Variants in BICD2 observed in about 807,000 individuals in gnomAD.
BICD2 encodes protein bicaudal D homolog 2.
In BICD2, 25 loss-of-function variants were observed where a neutral mutation model predicts 72.9. The observed-to-expected ratio is 0.34, with a 90% CI of 0.25 to 0.48. The LOEUF (loss-of-function observed/expected upper bound fraction) is 0.48. BICD2 is among the 20% of genes least tolerant of loss of function. BICD2 has a pLI of 0.99. For synonymous variants in BICD2, 501 were observed against 516.1 expected (o/e 0.97, Z 0.40); for missense variants, 894 against 1,175.2 (o/e 0.76, Z 3.50).
intron 2 of BICD2, among the ~76,000 whole-genome samples, chr9:92,727,267 C>T (rs1853585358): frequency 1.3e-5 from 2 of 152,216 alleles, no homozygotes; most frequent in Non-Finnish European, 2.9e-5. Flanking sequence ...CTAATCACTG[C>T]ATACCCTCAG....
intron 1 of BICD2, among the ~76,000 whole-genome samples, chr9:92,754,323 CCTCACATAG>C: frequency 6.6e-6 from 1 of 152,248 alleles, no homozygotes. Flanking sequence ...TCCTGTGTAT[CCTCACATAG>C]CTCAGGTAGG....
intron 1 of BICD2, among the ~76,000 whole-genome samples, chr9:92,759,533 ACCT>A (rs1407348224): frequency 6.6e-6 from 1 of 151,736 alleles, no homozygotes; most frequent in Non-Finnish European, 1.5e-5. Context: ...CTCTCCATCC[ACCT>A]CCCACAGCAG....
chr9:92,720,216 GC>G lies in BICD2; in HGVS notation c.1062+83del. On this transcript the variant is annotated intron_variant, in intron 4 of 6. Transcript: ENST00000356884. The surrounding 1 kb of genome is among the most constrained non-coding windows in gnomAD (Gnocchi z 5.4). ...TAAGGAAAAGGGAAAGTTAACATCA[GC>G]AGAGTGTCAGGTAAGCACTGCTCGG... is the stretch of plus-strand genomic sequence containing the variant. 7.7e-7 allele frequency: 1 copy of G among 1,303,706 alleles called. No individual in the cohort carries two copies. The allele number at this position is 1,303,706 out of a possible 1,614,324, so 80.8% of individuals were successfully genotyped here.
chr9:92,748,454 G>A (rs865844741), intron 1 of BICD2, among the ~76,000 whole-genome samples: 1 of 152,126 alleles, frequency 6.6e-6, no homozygotes, highest in Non-Finnish European at 1.5e-5. Context: ...CTGAGCTTTA[G>A]AATTTTTGAA....
chr9:92,751,339 CG>C (rs1854146105), intron 1 of BICD2, among the ~76,000 whole-genome samples: 1 of 151,860 alleles, frequency 6.6e-6, no homozygotes, highest in Admixed American at 6.6e-5. Context: ...TTAGTAGAGA[CG>C]GGTTTTCGTC....
At position 92,715,252 on chromosome 9, in the gene BICD2, C is replaced by T. The variant is rs774445661; in HGVS notation, c.2470G>A (p.Val824Ile). The T allele has an allele frequency of 1.9e-5, 30 of 1,613,172 alleles. No homozygotes were observed. The highest frequency in any genetic ancestry group is 8.3e-5 in the Admixed American group (5 of 59,994). The change falls in exon 7 of 7, where the codon GTA (valine) becomes ATA (isoleucine). Residue 824 changes from valine to isoleucine, a missense_variant. Coordinates refer to ENST00000356884, the MANE Select transcript of BICD2 (RefSeq NM_001003800.2). ...CTGGCACAGGCACAGGTGTGACTTA[C>T]GCTCGGTGTGGCTGGCTTGGTCTTC... ...APKTKPATPS[V>I]SHTCACASDR...
rs149742917 is a variant in BICD2, at chr9:92,713,499, A to G, written c.*1655T>C. 6.3e-7 allele frequency: 1 copy of G among 1,578,724 alleles called. No homozygotes were observed. The highest frequency in any genetic ancestry group is 8.6e-7 in the Non-Finnish European group (1 of 1,160,740). On this transcript the variant is annotated 3_prime_UTR_variant, in exon 7 of 7. Transcript: ENST00000356884. ...GAAAAGAGAGCGTTAGAAAGCGGTC[A>G]TCTGTCGCTTCCTGTTTATCTGACA...
At chr9:92,741,992 G>A (rs1205522104) in intron 1 of BICD2, among the ~76,000 whole-genome samples, 3 of 151,952 alleles carry the variant, frequency 2.0e-5, no homozygotes, top group African/African-American at 4.8e-5. Flanking sequence ...TTAACCCCCA[G>A]ATATTAACTT....
intron 2 of BICD2, among the ~76,000 whole-genome samples, chr9:92,727,960 T>C (rs1411431794): frequency 4.6e-5 from 7 of 152,176 alleles, no homozygotes; most frequent in Non-Finnish European, 1.0e-4. Flanking sequence ...CACTGTTTCC[T>C]CAGGTTCCAC....
chr9:92,738,570 A>G (rs896960755), intron 1 of BICD2, among the ~76,000 whole-genome samples: 9 of 152,222 alleles, frequency 5.9e-5, no homozygotes, highest in Admixed American at 3.3e-4. Context: ...GCTGGCCATC[A>G]GCCCTAGCTA....
rs751750400 is a variant in BICD2, at chr9:92,717,919, C to T, written c.2136G>A (p.Lys712=). Residue 712 remains lysine (K), a synonymous_variant, in exon 6 of 7, where the codon AAG becomes AAA. Transcript: ENST00000356884. The part of the protein sequence containing the change: ...QTAEVALANL[K]SKYENEKAMV... Reference sequence around the variant, plus strand: ...TGGCCTTCTCATTCTCATACTTGCTCTTCAGGTTGGCAAGGGCCACCTCGG... The same window carrying T: ...TGGCCTTCTCATTCTCATACTTGCTTTTCAGGTTGGCAAGGGCCACCTCGG... The T allele has an allele frequency of 6.2e-7, 1 of 1,613,570 alleles. No individual in the cohort carries two copies. Among genetic ancestry groups the T allele is most frequent in the Admixed American group, 1.7e-5 (1 of 60,000 alleles).
Position 92,733,525 on chromosome 9 carries a change from A to G in BICD2, c.241-4289T>C, listed in dbSNP as rs545451197. On this transcript the variant is annotated intron_variant, in intron 1 of 6. Transcript: ENST00000356884. ...TGTATTCCAACCTGGACGACAGAGG[A>G]AAAAAAAAAAAGTTTTTCAACAAAT... 7.5e-5 allele frequency among the ~76,000 whole-genome samples: 11 copies of G among 146,816 alleles called. No individual in the cohort carries two copies. The South Asian group carries it at 8.6e-4, about 11-fold the overall frequency.
chr9:92,757,587 G>C (rs1854286132), intron 1 of BICD2, among the ~76,000 whole-genome samples: 1 of 146,690 alleles, frequency 6.8e-6, no homozygotes, highest in South Asian at 2.2e-4. Flanking sequence ...CCCAGCTACT[G>C]CGGGGGGGCG....
intron 1 of BICD2, among the ~76,000 whole-genome samples, chr9:92,760,783 C>T (rs1221978002): frequency 6.6e-6 from 1 of 152,140 alleles, no homozygotes; most frequent in Non-Finnish European, 1.5e-5. Context: ...CCACCCAGCC[C>T]CCTGAAAGGC....
At chr9:92,723,025 C>T (rs1193331469) in intron 2 of BICD2, among the ~76,000 whole-genome samples, 1 of 143,054 alleles carries the variant, frequency 7.0e-6, no homozygotes. Context: ...TCCCTCAGCC[C>T]TTCTCACCTG....
rs1019918174 is a variant in BICD2, at chr9:92,718,918, T to C, written c.1727A>G (p.Glu576Gly). The change falls in exon 5 of 7, where the codon GAG (glutamate) becomes GGG (glycine). Residue 576 changes from glutamate to glycine, a missense_variant. Physicochemically the swap from Glu to Gly is moderately conservative, Grantham distance 98 (BLOSUM62 -2). This residue lies in a region of BICD2 where 321 missense variants were observed against 443.9 expected (regional missense o/e 0.72). Transcript: ENST00000356884. The part of the protein sequence containing the change: ...RTSPGGRTSP[E>G]ARGRRSPILL... ...GATGGGTGAGCGCCGGCCACGCGCC[T>C]CGGGGCTGGTGCGGCCCCCGGGACT... is the stretch of plus-strand genomic sequence containing the variant. 4.4e-6 allele frequency: 7 copies of C among 1,606,536 alleles called. No individual in the cohort carries two copies. The highest frequency in any genetic ancestry group is 5.9e-6 in the Non-Finnish European group (7 of 1,178,084).
intron 1 of BICD2, among the ~76,000 whole-genome samples, chr9:92,735,977 C>T (rs1244212219): frequency 2.0e-5 from 3 of 152,180 alleles, no homozygotes; most frequent in Non-Finnish European, 4.4e-5. Context: ...CAGCAGCACC[C>T]ATTAGCTGTG....
At chr9:92,725,751 G>A (rs1223772146) in intron 2 of BICD2, among the ~76,000 whole-genome samples, 1 of 152,246 alleles carries the variant, frequency 6.6e-6, no homozygotes, top group African/African-American at 2.4e-5. Context: ...CTGTGCAGGG[G>A]GTCGGCTGCC....
chr9:92,734,611 T>C (rs777697887), intron 1 of BICD2, among the ~76,000 whole-genome samples: 59 of 149,460 alleles, frequency 3.9e-4, no homozygotes, highest in Non-Finnish European at 7.1e-4. Flanking sequence ...CCACAGGCTG[T>C]TTGCCCCATC....
Sources: allele counts gnomAD v4.1 joint callset (sites outside exome capture counted in the v4.1 genomes callset), GRCh38; gene constraint gnomAD v4.1.1; regional missense constraint gnomAD v4.1.1; non-coding constraint Gnocchi (gnomAD v3.1); transcripts MANE v1.5; gene names NCBI Gene and HGNC (gene_info 2026-07-23, HGNC 2026-07-21).